Variants in RBFOX1 observed in about 807,000 individuals in gnomAD.
RBFOX1 encodes the protein RNA binding protein fox-1 homolog 1.
A neutral mutation model predicts 57.7 loss-of-function variants in RBFOX1; 8 were observed. The observed-to-expected ratio is 0.14, with a 90% CI of 0.08 to 0.25. RBFOX1 has a LOEUF of 0.25. Ranked by LOEUF, RBFOX1 falls within the 10% of genes least tolerant of loss-of-function variation. The pLI, the probability that RBFOX1 is intolerant of heterozygous loss-of-function variation, is 1.00. For missense variants in RBFOX1, 611 were observed against 548.5 expected (o/e 1.11, Z -1.14); for synonymous variants, 326 against 222.4 (o/e 1.47, Z -4.15).
chr16:6,954,761 A>G (rs2081417692), intron 3 of RBFOX1, among the ~76,000 whole-genome samples: 1 of 152,122 alleles, frequency 6.6e-6, no homozygotes, highest in Non-Finnish European at 1.5e-5. Context: ...AGAGGATCTT[A>G]AATCATCACC....
At chr16:7,148,112 A>C (rs1391707575) in intron 4 of RBFOX1, among the ~76,000 whole-genome samples, 1 of 152,230 alleles carries the variant, frequency 6.6e-6, no homozygotes, top group South Asian at 2.1e-4. Flanking sequence ...CTAGGAAGTG[A>C]CGCACAATTG....
At chr16:5,447,078 A>G (rs1278354689) in intron 1 of RBFOX1, among the ~76,000 whole-genome samples, 1 of 152,162 alleles carries the variant, frequency 6.6e-6, no homozygotes, top group Non-Finnish European at 1.5e-5. Context: ...ACGATCAACA[A>G]AAGAGGTAAT....
intron 3 of RBFOX1, among the ~76,000 whole-genome samples, chr16:5,758,067 A>G (rs1052296572): frequency 5.9e-5 from 9 of 152,178 alleles, no homozygotes; most frequent in Admixed American, 5.9e-4. Flanking sequence ...ACGGGACCCA[A>G]GTTGGGTGAT....
In RBFOX1 at chr16:6,569,989, G is replaced by C. The variant is rs77333649; in HGVS notation, c.-63-84614G>C. Among the ~76,000 whole-genome samples, 113 of 152,238 alleles carry C rather than the reference G, an allele frequency of 7.4e-4. 1 individual carries two copies. Among genetic ancestry groups the C allele is most frequent in the African/African-American group, 2.7e-3 (112 of 41,544 alleles). ...CCGGTAATTTGTTTGAGAAGAAGTC[G>C]TTAGGAAACCCTTGCATTCTCTTCT... On this transcript the variant is annotated intron_variant, in intron 2 of 15. Transcript: ENST00000550418.
chr16:5,588,623 C>T (rs925346989), intron 2 of RBFOX1, among the ~76,000 whole-genome samples: 12 of 152,264 alleles, frequency 7.9e-5, no homozygotes, highest in Admixed American at 2.0e-4. Flanking sequence ...GTCCTCAGCA[C>T]GTCCCCATGT....
At chr16:7,424,472 C>T (rs543106672) in intron 4 of RBFOX1, among the ~76,000 whole-genome samples, 1 of 152,220 alleles carries the variant, frequency 6.6e-6, no homozygotes, top group Non-Finnish European at 1.5e-5. Flanking sequence ...GTTGGCCAGG[C>T]AGGTCTTGAA....
chr16:7,145,083 C>G (rs1318087961), intron 4 of RBFOX1, among the ~76,000 whole-genome samples: 1 of 152,214 alleles, frequency 6.6e-6, no homozygotes, highest in Non-Finnish European at 1.5e-5. Context: ...CCAATCCTAG[C>G]TTGACAGTGA....
intron 1 of RBFOX1, among the ~76,000 whole-genome samples, chr16:6,171,577 A>G (rs956457251): frequency 6.6e-6 from 1 of 152,178 alleles, no homozygotes; most frequent in Non-Finnish European, 1.5e-5. Flanking sequence ...TCTTGCCATG[A>G]ACATATGATA....
chr16:6,054,426 C>G (rs928314580), intron 1 of RBFOX1, among the ~76,000 whole-genome samples: 1 of 152,128 alleles, frequency 6.6e-6, no homozygotes, highest in African/African-American at 2.4e-5. Flanking sequence ...GTTGAATCCC[C>G]TAAGATCTCC....
chr16:6,122,385 C>T lies in RBFOX1; in HGVS notation c.-127+102393C>T, dbSNP rs528629842. The stretch of plus-strand genomic sequence containing the variant: ...ACACACACACACACACACACACACA[C>T]ACACACACACATTTTTAAAGGAGCT... On this transcript the variant is annotated intron_variant, in intron 1 of 15. Transcript: ENST00000550418. Among the ~76,000 whole-genome samples the T allele has an allele frequency of 1.0e-4, 15 of 146,490 alleles. No homozygotes were observed. In the South Asian group the frequency reaches 3.5e-3, roughly 34 times the overall value.
chr16:6,558,092 T>C (rs180680271), intron 2 of RBFOX1, among the ~76,000 whole-genome samples: 1 of 152,182 alleles, frequency 6.6e-6, no homozygotes, highest in South Asian at 2.1e-4. Context: ...TAAATTAATA[T>C]TAAGTTATTA....
At chr16:6,699,435 G>T (rs1038476350) in intron 3 of RBFOX1, among the ~76,000 whole-genome samples, 8 of 152,074 alleles carry the variant, frequency 5.3e-5, no homozygotes, top group African/African-American at 1.7e-4. Flanking sequence ...TGTCTTTGAA[G>T]GAGAAGCCTG....
In RBFOX1 at chr16:7,518,138, A is replaced by C. The variant is rs2076774055; in HGVS notation, c.28-9A>C. On this transcript the variant is annotated splice_polypyrimidine_tract_variant and intron_variant, in intron 4 of 15. Transcript: ENST00000550418. ...TTCTCTCCCTCTCTGCACCTTTTTGATTTTTCAGGGTAATCAGGAAGCAGC... is the reference window on the plus strand; with the variant it reads ...TTCTCTCCCTCTCTGCACCTTTTTGCTTTTTCAGGGTAATCAGGAAGCAGC... The C allele has an allele frequency of 6.2e-7, 1 of 1,601,900 alleles. No homozygotes were observed. The highest frequency in any genetic ancestry group is 1.3e-5 in the African/African-American group (1 of 74,192).
At chr16:5,373,681 T>C (rs1013850760) in intron 1 of RBFOX1, among the ~76,000 whole-genome samples, 19 of 152,144 alleles carry the variant, frequency 1.2e-4, no homozygotes, top group African/African-American at 4.6e-4. Context: ...CTTGGCTCAC[T>C]GCACCTTTGC....
chr16:5,674,496 C>A (rs776541625), intron 3 of RBFOX1, among the ~76,000 whole-genome samples: 10 of 152,274 alleles, frequency 6.6e-5, no homozygotes, highest in Admixed American at 4.6e-4. Context: ...GGACTCTTCT[C>A]TCACATATCA....
At chr16:5,994,697 T>G (rs568031413) in intron 4 of RBFOX1, among the ~76,000 whole-genome samples, 18 of 152,188 alleles carry the variant, frequency 1.2e-4, no homozygotes, top group Non-Finnish European at 2.2e-4. Flanking sequence ...TGTGTTCCAA[T>G]AAAACTTTAT....
intron 4 of RBFOX1, among the ~76,000 whole-genome samples, chr16:7,239,603 A>T (rs529997276): frequency 7.9e-4 from 121 of 152,336 alleles, no homozygotes; most frequent in African/African-American, 2.6e-3. Context: ...AAAGAAAAAC[A>T]GAAAACACTG....
At chr16:6,471,114 T>C (rs2095164639) in intron 2 of RBFOX1, among the ~76,000 whole-genome samples, 1 of 152,176 alleles carries the variant, frequency 6.6e-6, no homozygotes, top group Admixed American at 6.5e-5. Flanking sequence ...GTGCCCCCTT[T>C]CCCTGCCTGG....
intron 3 of RBFOX1, among the ~76,000 whole-genome samples, chr16:6,791,626 G>T (rs554675416): frequency 2.0e-5 from 3 of 152,284 alleles, no homozygotes; most frequent in Admixed American, 2.0e-4. Context: ...AGGTGTAGTG[G>T]TGCGTGCTTG....
Sources: allele counts gnomAD v4.1 joint callset (sites outside exome capture counted in the v4.1 genomes callset), GRCh38; gene constraint gnomAD v4.1.1; transcripts MANE v1.5; gene names NCBI Gene and HGNC (gene_info 2026-07-23, HGNC 2026-07-21).